The following IHO1 variants were observed in gnomAD, a reference collection of about 807,000 sequenced individuals.
The protein encoded by IHO1 is interactor of HORMAD1 protein 1.
IHO1 carries 13 observed loss-of-function variants against 31.0 expected under a neutral mutation model. That is an observed-to-expected ratio of 0.42 (90% CI 0.27 to 0.67). The LOEUF (loss-of-function observed/expected upper bound fraction) is 0.67, where lower values mean the gene tolerates loss of function less well. Among genes scored for constraint, IHO1 ranks in the 30% least tolerant of loss-of-function variants. The pLI is 0.24. For missense variants in IHO1, 599 were observed against 687.5 expected, an observed-to-expected ratio of 0.87 and a Z score of 1.44; for synonymous variants, 221 against 248.4, an observed-to-expected ratio of 0.89 and a Z score of 1.04.
chr3:49,236,302 T>C (rs2046558869), intron 2 of IHO1, among the ~76,000 whole-genome samples: 2 of 152,232 alleles, frequency 1.3e-5, no homozygotes, highest in Non-Finnish European at 2.9e-5. Flanking sequence ...AATGCTGTTA[T>C]ACAAAGAATG....
chr3:49,209,851 A>G (rs2046185774), intron 1 of IHO1, among the ~76,000 whole-genome samples: 1 of 151,056 alleles, frequency 6.6e-6, no homozygotes, highest in African/African-American at 2.4e-5. Context: ...AGTAGCTGGG[A>G]CTACAGGAGC....
chr3:49,241,152 G>T, intron 3 of IHO1, 74 bp from the exon 4 acceptor site: 2 of 1,245,696 alleles, frequency 1.6e-6, no homozygotes, highest in Non-Finnish European at 2.2e-6. Flanking sequence ...ATGTGACTCT[G>T]CATTGTACAG....
chr3:49,215,596 A>G (rs550648255), intron 2 of IHO1, among the ~76,000 whole-genome samples: 14 of 152,326 alleles, frequency 9.2e-5, no homozygotes, highest in African/African-American at 3.1e-4. Context: ...ACAGAAAGCC[A>G]ATCACTGAGA....
intron 1 of IHO1, among the ~76,000 whole-genome samples, chr3:49,203,046 T>A (rs891561718): frequency 2.0e-5 from 3 of 151,894 alleles, no homozygotes; most frequent in Non-Finnish European, 2.9e-5. Flanking sequence ...GTATTTTTTT[T>A]AGTAGAGATG....
At chr3:49,208,054 G>A (rs1404197327) in intron 1 of IHO1, among the ~76,000 whole-genome samples, 1 of 152,234 alleles carries the variant, frequency 6.6e-6, no homozygotes, top group Non-Finnish European at 1.5e-5. Flanking sequence ...TTACAGGCGT[G>A]AGCCACTGTG....
rs370979495 is a variant in IHO1 at position 49,236,728 on chromosome 3, T to G, written c.231+6T>G. 2.5e-6 allele frequency: 4 copies of G among 1,607,024 alleles called. No individual in the cohort carries two copies. The African/African-American group carries it at 5.4e-5, about 22-fold the overall frequency. On this transcript the variant is annotated splice_donor_region_variant and intron_variant, in intron 3 of 7. Coordinates refer to ENST00000452691, the MANE Select transcript of IHO1 (RefSeq NM_001135197.2). ...CACAACAGAACTATCTGGAGGTGAG[T>G]CTGGTTTCCAGAATTGATCTGCACA...
At position 49,232,674 on chromosome 3, in the gene IHO1, C is replaced by T. The variant is rs186909500; in HGVS notation, c.57-3874C>T. 5.8e-3 allele frequency among the ~76,000 whole-genome samples: 878 copies of T among 152,264 alleles called. 2 individuals are homozygous for T. Among genetic ancestry groups the T allele is most frequent in the Non-Finnish European group, 9.5e-3 (648 of 68,018 alleles). On this transcript the variant is annotated intron_variant, in intron 2 of 7. Transcript: ENST00000452691. ...CCCAACTGTCACAAGCAACACCCAT[C>T]GAACACAGCCACCTACCTGGGGACA... is the stretch of plus-strand genomic sequence containing the variant.
the IHO1 span, among the ~76,000 whole-genome samples, chr3:49,191,356 G>T: frequency 5.9e-5 from 9 of 152,156 alleles, no homozygotes; most frequent in African/African-American, 2.2e-4. Flanking sequence ...GACCTTTATT[G>T]TCTTCCAGGC....
At chr3:49,236,151 G>C (rs1445068709) in intron 2 of IHO1, among the ~76,000 whole-genome samples, 1 of 152,188 alleles carries the variant, frequency 6.6e-6, no homozygotes, top group Non-Finnish European at 1.5e-5. Context: ...TGAGGCTGCA[G>C]TGAGCCGAGA....
intron 2 of IHO1, among the ~76,000 whole-genome samples, chr3:49,222,101 T>C (rs1050315735): frequency 1.3e-5 from 2 of 152,226 alleles, no homozygotes; most frequent in African/African-American, 2.4e-5. Context: ...TTTCGTCATT[T>C]CTTGCAAACT....
intron 1 of IHO1, chr3:49,200,534 G>A (rs1057051976): frequency 2.3e-5 from 22 of 940,962 alleles, no homozygotes; most frequent in South Asian, 1.5e-4. Context: ...AAAGATTGTC[G>A]CAGTAGAGTT....
rs147344932 is a variant in IHO1, at chr3:49,255,436, C to T, written c.579C>T (p.Val193=). 602 of 1,605,094 alleles carry T rather than the reference C, an allele frequency of 3.8e-4. No homozygotes were observed. The highest frequency in any genetic ancestry group is 4.5e-4 in the Non-Finnish European group (535 of 1,177,802). Reference sequence around the variant, plus strand: ...AGAATGACCTGGTGTTTGAGGCAGTCCAGGACAAAGGCAACATGGAGCAGG... The same window carrying T: ...AGAATGACCTGGTGTTTGAGGCAGTTCAGGACAAAGGCAACATGGAGCAGG... The part of the protein sequence containing the change: ...QAQNDLVFEA[V]QDKGNMEQAI... Residue 193 remains valine (V), a synonymous_variant, in exon 7 of 8, where the codon GTC becomes GTT. Coordinates refer to ENST00000452691, the MANE Select transcript of IHO1 (RefSeq NM_001135197.2).
At chr3:49,216,643 T>C (rs979276202) in intron 2 of IHO1, among the ~76,000 whole-genome samples, 1 of 151,870 alleles carries the variant, frequency 6.6e-6, no homozygotes, top group South Asian at 2.1e-4. Flanking sequence ...AATAGACAAA[T>C]GGGATCTAAC....
At chr3:49,211,338 C>G (rs1224832576) in intron 1 of IHO1, among the ~76,000 whole-genome samples, 2 of 152,162 alleles carry the variant, frequency 1.3e-5, no homozygotes, top group African/African-American at 4.8e-5. Context: ...TTTCTGTCAT[C>G]AGAGTTTTGT....
chr3:49,213,714 G>A (rs181585270), intron 2 of IHO1, among the ~76,000 whole-genome samples: 33 of 152,360 alleles, frequency 2.2e-4, no homozygotes, highest in African/African-American at 6.7e-4. Context: ...TGGGGCCAGC[G>A]GCGCAGGCTG....
intron 1 of IHO1, among the ~76,000 whole-genome samples, chr3:49,205,592 C>A (rs575479608): frequency 2.0e-5 from 3 of 150,662 alleles, no homozygotes; most frequent in Admixed American, 6.6e-5. Context: ...TATGCCTGGC[C>A]GTAATTTTTT....
At chr3:49,221,131 G>T (rs2046350708) in intron 2 of IHO1, among the ~76,000 whole-genome samples, 1 of 152,090 alleles carries the variant, frequency 6.6e-6, no homozygotes, top group Admixed American at 6.5e-5. Flanking sequence ...GACACAGAGT[G>T]CTGACTGGTG....
At chr3:49,235,929 CAA>C (rs35209519) in intron 2 of IHO1, among the ~76,000 whole-genome samples, 9 of 114,176 alleles carry the variant, frequency 7.9e-5, no homozygotes, top group Non-Finnish European at 1.1e-4. Context: ...GACTCTGTCT[CAA>C]AAAAAAAAAA....
Position 49,256,401 on chromosome 3 carries a change from C to T in IHO1, c.904C>T (p.Leu302Phe). 1.2e-6 allele frequency: 2 copies of T among 1,614,182 alleles called. No individual in the cohort carries two copies. Among genetic ancestry groups the T allele is most frequent in the African/African-American group, 1.3e-5 (1 of 75,052 alleles). Residue 302 changes from leucine to phenylalanine, a missense_variant, in exon 8 of 8, where the codon CTC (leucine) becomes TTC (phenylalanine). Coordinates refer to ENST00000452691, the MANE Select transcript of IHO1 (RefSeq NM_001135197.2). The surrounding 1 kb of genome is among the most constrained non-coding windows in gnomAD (Gnocchi z 4.6). ...EKPVLWQAQA[L>F]PAAWNPGMGS... ...ACCAGTTTTATGGCAGGCCCAGGCC[C>T]TCCCTGCTGCATGGAATCCTGGTAT...
Sources: gnomAD v4.1 joint callset for allele counts (sites outside exome capture counted in the v4.1 genomes callset) on GRCh38, gnomAD v4.1.1 for gene constraint, Gnocchi (gnomAD v3.1) non-coding constraint, MANE v1.5 for transcripts, NCBI Gene and HGNC (gene_info 2026-07-23, HGNC 2026-07-21) for gene names.